The following GRIN2B variants were observed in gnomAD, a reference collection of about 807,000 sequenced individuals.
GRIN2B encodes the protein glutamate ionotropic receptor NMDA type subunit 2B.
GRIN2B carries 5 observed loss-of-function variants against 114.5 expected under a neutral mutation model. The observed-to-expected ratio is 0.04, with a 90% confidence interval of 0.02 to 0.09. The LOEUF (loss-of-function observed/expected upper bound fraction) is 0.09. Among genes scored for constraint, GRIN2B ranks in the 10% least tolerant of loss-of-function variants. GRIN2B has a pLI of 1.00. For synonymous variants in GRIN2B, 787 were observed against 745.1 expected (o/e 1.06, Z -0.92); for missense variants, 1,108 against 1,943.5 (o/e 0.57, Z 8.08).
chr12:13,967,706 G>A lies in GRIN2B; in HGVS notation c.-19+12222C>T, dbSNP rs759338669. Among the ~76,000 whole-genome samples, 6 of 152,270 alleles carry A rather than the reference G, an allele frequency of 3.9e-5. No individual in the cohort carries two copies. In the East Asian group the frequency reaches 5.8e-4, roughly 15 times the overall value. On this transcript the variant is annotated intron_variant, in intron 2 of 13. Coordinates refer to ENST00000609686, the MANE Select transcript of GRIN2B (RefSeq NM_000834.5). ...CGGGAGGTGGGATGGATAGAGACAC[G>A]ATAGCAGTCCTTTCACATCCCAGGG... is the stretch of plus-strand genomic sequence containing the variant.
intron 3 of GRIN2B, among the ~76,000 whole-genome samples, chr12:13,803,668 A>G (rs527728888): frequency 6.6e-6 from 1 of 152,222 alleles, no homozygotes; most frequent in Non-Finnish European, 1.5e-5. Context: ...GGGGACTGTG[A>G]ATAGGCACAG....
At chr12:13,697,619 T>G (rs1427623679) in intron 4 of GRIN2B, among the ~76,000 whole-genome samples, 1 of 152,194 alleles carries the variant, frequency 6.6e-6, no homozygotes, top group Non-Finnish European at 1.5e-5. Context: ...CCAAACATTT[T>G]GTCCAAGGTT....
intron 10 of GRIN2B, among the ~76,000 whole-genome samples, chr12:13,605,948 C>T (rs1184743997): frequency 6.6e-6 from 1 of 152,164 alleles, no homozygotes; most frequent in Non-Finnish European, 1.5e-5. Flanking sequence ...GACATGATCT[C>T]ACCATACAGT....
chr12:13,895,139 T>G (rs1462885902), intron 2 of GRIN2B, among the ~76,000 whole-genome samples: 1 of 152,206 alleles, frequency 6.6e-6, no homozygotes, highest in Non-Finnish European at 1.5e-5. Flanking sequence ...TTGATTCAGT[T>G]CAACCTCCTC....
intron 4 of GRIN2B, among the ~76,000 whole-genome samples, chr12:13,692,428 A>G (rs1052724725): frequency 1.3e-5 from 2 of 152,132 alleles, no homozygotes; most frequent in Non-Finnish European, 2.9e-5. Context: ...GTTTCCTTAC[A>G]TTGATGAGAA....
intron 3 of GRIN2B, among the ~76,000 whole-genome samples, chr12:13,754,162 T>A (rs151174949): frequency 4.5e-4 from 69 of 152,356 alleles, no homozygotes; most frequent in African/African-American, 1.6e-3. Context: ...ACTTGCCTTG[T>A]CTGAAATCCT....
intron 3 of GRIN2B, among the ~76,000 whole-genome samples, chr12:13,785,198 T>C (rs766696540): frequency 6.6e-6 from 1 of 152,162 alleles, no homozygotes; most frequent in Non-Finnish European, 1.5e-5. Context: ...CTTAATAAAT[T>C]CCTCATTTAT....
intron 3 of GRIN2B, among the ~76,000 whole-genome samples, chr12:13,784,520 G>A (rs1415109676): frequency 1.3e-5 from 2 of 152,056 alleles, no homozygotes; most frequent in African/African-American, 4.8e-5. Context: ...TTTGCAATGT[G>A]ACTTCGCTGT....
intron 4 of GRIN2B, among the ~76,000 whole-genome samples, chr12:13,685,539 C>G (rs1278189971): frequency 6.6e-6 from 1 of 152,100 alleles, no homozygotes; most frequent in East Asian, 1.9e-4. Flanking sequence ...CTTCCAGGGT[C>G]AAGGGGACAT....
At chr12:13,847,612 G>A (rs1203357467) in intron 3 of GRIN2B, among the ~76,000 whole-genome samples, 2 of 152,228 alleles carry the variant, frequency 1.3e-5, no homozygotes, top group Non-Finnish European at 2.9e-5. Flanking sequence ...GGTCACAGGA[G>A]ATGGGGGGGA....
At chr12:13,769,976 C>T (rs1426811886) in intron 3 of GRIN2B, among the ~76,000 whole-genome samples, 2 of 152,196 alleles carry the variant, frequency 1.3e-5, no homozygotes, top group Non-Finnish European at 2.9e-5. Flanking sequence ...TTTATCTGAA[C>T]TTCTATTTTG....
At chr12:13,846,558 G>A (rs540542645) in intron 3 of GRIN2B, among the ~76,000 whole-genome samples, 11 of 152,190 alleles carry the variant, frequency 7.2e-5, no homozygotes, top group African/African-American at 2.4e-4. Context: ...GCTGATATTC[G>A]ACTCCACCAC....
intron 2 of GRIN2B, among the ~76,000 whole-genome samples, chr12:13,911,793 C>T (rs1430264513): frequency 6.6e-6 from 1 of 152,166 alleles, no homozygotes; most frequent in Admixed American, 6.5e-5. Context: ...TATTCAAATA[C>T]CTGCTCACTT....
chr12:13,953,418 A>C (rs1867529144), intron 2 of GRIN2B, among the ~76,000 whole-genome samples: 1 of 150,906 alleles, frequency 6.6e-6, no homozygotes, highest in Non-Finnish European at 1.5e-5. Flanking sequence ...TGTTGTAGTT[A>C]CCTTTGGAAA....
intron 2 of GRIN2B, among the ~76,000 whole-genome samples, chr12:13,876,025 A>G (rs766879963): frequency 4.6e-5 from 7 of 152,218 alleles, no homozygotes; most frequent in Non-Finnish European, 8.8e-5. Context: ...GCTACCTAAG[A>G]GATCAGGAGA....
intron 10 of GRIN2B, 119 bp from the exon 11 acceptor site, chr12:13,572,083 G>A: frequency 1.3e-6 from 1 of 798,378 alleles, no homozygotes; most frequent in Admixed American, 2.0e-5. Flanking sequence ...ATTTATAATG[G>A]AAGGGACCCA....
chr12:13,563,739 C>G lies in GRIN2B; in HGVS notation c.3499G>C (p.Val1167Leu). 1 of 1,613,930 alleles carries G rather than the reference C, an allele frequency of 6.2e-7. No individual in the cohort carries two copies. The highest frequency in any genetic ancestry group is 1.1e-5 in the South Asian group (1 of 91,084). ...ERSDDFKRDS[V>L]SGGGPCTNRS... is the part of the protein sequence containing the mutation. Reference sequence around the variant, plus strand: ...TTGGTACAGGGCCCTCCTCCGCTGACGGAGTCGCGCTTAAAGTCATCACTC... The same window carrying G: ...TTGGTACAGGGCCCTCCTCCGCTGAGGGAGTCGCGCTTAAAGTCATCACTC... Residue 1167 changes from valine to leucine, a missense_variant, in exon 14 of 14, where the codon GTC becomes CTC. Val to Leu is a conservative substitution (Grantham distance 32). This residue lies in a region of GRIN2B where 478 missense variants were observed against 506.0 expected (regional missense o/e 0.94). Coordinates refer to ENST00000609686, the MANE Select transcript of GRIN2B (RefSeq NM_000834.5).
At chr12:13,898,071 G>C (rs1283344554) in intron 2 of GRIN2B, among the ~76,000 whole-genome samples, 3 of 151,750 alleles carry the variant, frequency 2.0e-5, no homozygotes, top group Non-Finnish European at 4.4e-5. Flanking sequence ...CTATCAACAA[G>C]GCTTATTGTT....
In GRIN2B at chr12:13,557,698, A is replaced by G. The variant is rs1948492017; in HGVS notation, c.*5085T>C. ...CTTAAATAAAAGCAGGCGGAGGCCA[A>G]AATATGGTTTAAATGTCTTTGCCAT... is the stretch of plus-strand genomic sequence containing the variant. On this transcript the variant is annotated 3_prime_UTR_variant, in exon 14 of 14. Transcript: ENST00000609686. 6.6e-6 allele frequency: 1 copy of G among 152,244 alleles called. No homozygotes were observed. The highest frequency in any genetic ancestry group is 6.5e-5 in the Admixed American group (1 of 15,288). The allele number at this position is 152,244 out of a possible 1,614,324, so 9.4% of individuals were successfully genotyped here. A position where few individuals can be genotyped will look rare whatever the true frequency, so the allele number is the denominator to read the frequency against.
Sources: allele counts gnomAD v4.1 joint callset (sites outside exome capture counted in the v4.1 genomes callset), GRCh38; gene constraint gnomAD v4.1.1; regional missense constraint gnomAD v4.1.1; transcripts MANE v1.5; gene names NCBI Gene and HGNC (gene_info 2026-07-23, HGNC 2026-07-21).